Variants in HIVEP1 observed in about 807,000 individuals in gnomAD.
HIVEP1 encodes zinc finger protein 40.
A neutral mutation model predicts 180.0 loss-of-function variants in HIVEP1; 36 were observed. The ratio of observed to expected loss-of-function variants is 0.20; its 90% CI spans 0.15 to 0.26. The LOEUF is 0.26. HIVEP1 is among the 10% of genes least tolerant of loss of function. The probability of loss-of-function intolerance (pLI) is 1.00; values close to 1 mark genes in which losing one functional copy is unlikely to be tolerated. For missense variants in HIVEP1, 3,143 were observed against 3,268.7 expected (o/e 0.96, Z 0.94); for synonymous variants, 1,239 against 1,239.0 (o/e 1.00, Z 0.00).
chr6:12,210,943 G>A, the HIVEP1 span, among the ~76,000 whole-genome samples: 8 of 151,752 alleles, frequency 5.3e-5, no homozygotes, highest in African/African-American at 1.7e-4. Flanking sequence ...CATAATGCCC[G>A]ATAAATGAAT....
At chr6:12,051,821 A>C (rs528491861) in intron 2 of HIVEP1, among the ~76,000 whole-genome samples, 2 of 152,296 alleles carry the variant, frequency 1.3e-5, no homozygotes, top group South Asian at 4.1e-4. Context: ...ACTTTTAGTC[A>C]GCTTCTCTTT....
chr6:12,086,329 A>G (rs1773120995), intron 2 of HIVEP1, among the ~76,000 whole-genome samples: 1 of 152,162 alleles, frequency 6.6e-6, no homozygotes, highest in Non-Finnish European at 1.5e-5. Context: ...CATTATAGTA[A>G]GAATGCATAT....
rs745394621 is a variant in HIVEP1 at position 12,123,993 on chromosome 6, C to A, written c.4198C>A (p.Pro1400Thr). 8.1e-6 allele frequency: 13 copies of A among 1,614,010 alleles called. No individual in the cohort carries two copies. Among genetic ancestry groups the A allele is most frequent in the Non-Finnish European group, 1.1e-5 (13 of 1,180,020 alleles). The change falls in exon 4 of 9, where the codon CCA (proline) becomes ACA (threonine). Residue 1400 changes from proline to threonine, a missense_variant. By Grantham distance (38) the Pro-to-Thr change is conservative (BLOSUM62 -1). Around this residue, in one of 12 missense-constraint regions of HIVEP1, gnomAD observed 1,357 missense variants for 1,260.5 expected, o/e 1.08. Transcript: ENST00000379388. Reference sequence around the variant, plus strand: ...AAGCATCACCCCACCCCAGACAACACCACTTACTGAATTGCAGCCTCCATC... The same window carrying A: ...AAGCATCACCCCACCCCAGACAACAACACTTACTGAATTGCAGCCTCCATC... ...CGSITPPQTT[P>T]LTELQPPSSP... is the part of the protein sequence containing the mutation.
At chr6:12,104,023 T>C (rs944243487) in intron 3 of HIVEP1, among the ~76,000 whole-genome samples, 2 of 152,180 alleles carry the variant, frequency 1.3e-5, no homozygotes, top group Non-Finnish European at 2.9e-5. Context: ...TGTAGAGGTG[T>C]CACTCTATTG....
At chr6:12,107,413 A>T (rs1774503174) in intron 3 of HIVEP1, among the ~76,000 whole-genome samples, 1 of 152,218 alleles carries the variant, frequency 6.6e-6, no homozygotes, top group African/African-American at 2.4e-5. Context: ...GCCTCGATGC[A>T]GATTGCTGCT....
chr6:12,131,149 A>G (rs912151660), intron 6 of HIVEP1, among the ~76,000 whole-genome samples: 7 of 151,610 alleles, frequency 4.6e-5, no homozygotes, highest in Admixed American at 1.3e-4. Flanking sequence ...TAGAATAAAT[A>G]TATAATAAAT....
At chr6:12,205,949 G>C in the HIVEP1 span, among the ~76,000 whole-genome samples, 1 of 151,982 alleles carries the variant, frequency 6.6e-6, no homozygotes. Context: ...ATAGTAACAG[G>C]GTGTATTATG....
intron 2 of HIVEP1, among the ~76,000 whole-genome samples, chr6:12,019,005 A>G (rs933696531): frequency 6.6e-6 from 1 of 152,218 alleles, no homozygotes; most frequent in Non-Finnish European, 1.5e-5. Context: ...CTTGGAATAA[A>G]TTGTGTCTGA....
chr6:12,210,577 C>T, the HIVEP1 span, among the ~76,000 whole-genome samples: 1 of 152,154 alleles, frequency 6.6e-6, no homozygotes, highest in Non-Finnish European at 1.5e-5. Context: ...GAAAGTATAA[C>T]AGCTGTGAAA....
At chr6:12,168,000 T>G (rs538476802), downstream of HIVEP1, among the ~76,000 whole-genome samples, 2 of 119,704 alleles carry the variant, frequency 1.7e-5, no homozygotes, top group African/African-American at 6.3e-5. Context: ...TATGTATATA[T>G]TATATATACA....
chr6:12,124,872 C>A lies in HIVEP1; in HGVS notation c.5077C>A (p.His1693Asn). Reference protein sequence around the residue: ...QNSVPTLQKGHQNALPNPEKE... With the variant: ...QNSVPTLQKGNQNALPNPEKE... The stretch of plus-strand genomic sequence containing the variant: ...TTCTGTGCCAACATTACAAAAAGGT[C>A]ATCAGAATGCTTTGCCAAACCCAGA... Residue 1693 changes from histidine (H) to asparagine (N), a missense_variant, in exon 4 of 9, where the codon CAT (histidine) becomes AAT (asparagine). Physicochemically the swap from His to Asn is moderately conservative, Grantham distance 68 (BLOSUM62 1). This residue lies in a region of HIVEP1 where 1,357 missense variants were observed against 1,260.5 expected (regional missense o/e 1.08). Transcript: ENST00000379388. The A allele has an allele frequency of 6.2e-7, 1 of 1,614,138 alleles. No individual in the cohort carries two copies. The highest frequency in any genetic ancestry group is 8.5e-7 in the Non-Finnish European group (1 of 1,180,010).
At chr6:12,139,053 G>C (rs1006360139) in intron 7 of HIVEP1, among the ~76,000 whole-genome samples, 2 of 151,796 alleles carry the variant, frequency 1.3e-5, no homozygotes, top group Non-Finnish European at 2.9e-5. Flanking sequence ...TGGTCTCTGT[G>C]GTTCTACCCT....
At position 12,121,223 on chromosome 6, in the gene HIVEP1, C is replaced by T. The variant is rs759409658; in HGVS notation, c.1428C>T (p.Ser476=). ...LQPDAGGLFL[S]HESPKALSIH... is the part of the protein sequence containing the mutation. ...CAGATGCTGGTGGCTTGTTCTTGTC[C>T]CACGAGTCCCCCAAAGCACTTAGTA... is the stretch of plus-strand genomic sequence containing the variant. The change falls in exon 4 of 9, where the codon TCC becomes TCT. Residue 476 remains serine, a synonymous_variant. Coordinates refer to ENST00000379388, the MANE Select transcript of HIVEP1 (RefSeq NM_002114.4). This position sits in a 1 kb window ranked among gnomAD's most constrained non-coding sequence, Gnocchi z 5.3. 1.5e-5 allele frequency: 25 copies of T among 1,613,942 alleles called. No individual in the cohort carries two copies. Among genetic ancestry groups the T allele is most frequent in the Non-Finnish European group, 1.9e-5 (23 of 1,180,024 alleles).
In HIVEP1 at chr6:12,123,861, G is replaced by A. The variant is rs775971039; in HGVS notation, c.4066G>A (p.Val1356Ile). The A allele has an allele frequency of 6.2e-7, 1 of 1,614,086 alleles. No homozygotes were observed. Among genetic ancestry groups the A allele is most frequent in the African/African-American group, 1.3e-5 (1 of 75,050 alleles). The change falls in exon 4 of 9, where the codon GTT (valine) becomes ATT (isoleucine). Residue 1356 changes from valine (V) to isoleucine (I), a missense_variant. By Grantham distance (29) the Val-to-Ile change is conservative. This residue lies in a region of HIVEP1 where 1,357 missense variants were observed against 1,260.5 expected (regional missense o/e 1.08). Transcript: ENST00000379388. The stretch of plus-strand genomic sequence containing the variant: ...TCCAGCTGGCTTGAATACTCTGAAT[G>A]TTCCTGGATGTCACCGGGAAATGAG... ...MIPAGLNTLN[V>I]PGCHREMRRT...
chr6:12,011,268 G>T (rs1581474263), upstream of HIVEP1, among the ~76,000 whole-genome samples: 1 of 137,062 alleles, frequency 7.3e-6, no homozygotes, highest in Non-Finnish European at 1.6e-5. Flanking sequence ...ACCCCCTTGG[G>T]GTCCCCCCCC....
At chr6:12,199,068 G>A in the HIVEP1 span, among the ~76,000 whole-genome samples, 13 of 152,336 alleles carry the variant, frequency 8.5e-5, no homozygotes, top group African/African-American at 3.1e-4. Context: ...ACTGTGCCAG[G>A]AGTCCAAAGA....
At chr6:12,011,611 C>G (rs906731193), upstream of HIVEP1, among the ~76,000 whole-genome samples, 14 of 149,986 alleles carry the variant, frequency 9.3e-5, no homozygotes, top group Non-Finnish European at 1.3e-4. Flanking sequence ...CCCGCGTCCC[C>G]CTCCCGTCCC....
intron 3 of HIVEP1, among the ~76,000 whole-genome samples, chr6:12,108,534 G>A (rs889843630): frequency 2.0e-5 from 3 of 152,310 alleles, no homozygotes; most frequent in South Asian, 2.1e-4. Flanking sequence ...GCCCTGCCCC[G>A]CAGGAAGGCA....
chr6:12,122,797 C>G lies in HIVEP1; in HGVS notation c.3002C>G (p.Pro1001Arg). 6.2e-7 allele frequency: 1 copy of G among 1,613,536 alleles called. No individual in the cohort carries two copies. Among genetic ancestry groups the G allele is most frequent in the Non-Finnish European group, 8.5e-7 (1 of 1,179,836 alleles). ...GCCATGAGAGAACCTGAGCACAGCC[C>G]TGTGCCCGGCGGTCTGCAGCCTCAG... Reference protein sequence around the residue: ...KVAMREPEHSPVPGGLQPQIL... With the variant: ...KVAMREPEHSRVPGGLQPQIL... The change falls in exon 4 of 9, where the codon CCT becomes CGT. Residue 1001 changes from proline to arginine, a missense_variant. Transcript: ENST00000379388.
Sources: gnomAD v4.1 joint callset for allele counts (sites outside exome capture counted in the v4.1 genomes callset) on GRCh38, gnomAD v4.1.1 for gene constraint, gnomAD v4.1.1 regional missense constraint, Gnocchi (gnomAD v3.1) non-coding constraint, MANE v1.5 for transcripts, NCBI Gene and HGNC (gene_info 2026-07-23, HGNC 2026-07-21) for gene names.